ZFYVE28: variants seen among roughly 807,000 people sequenced by gnomAD.
The protein encoded by ZFYVE28 is zinc finger FYVE-type containing 28.
Under a neutral mutation model 82.1 loss-of-function variants are expected in ZFYVE28, and 40 were observed. The ratio of observed to expected loss-of-function variants is 0.49; its 90% CI spans 0.38 to 0.63. The LOEUF (loss-of-function observed/expected upper bound fraction) is 0.63. Among genes scored for constraint, ZFYVE28 ranks in the 30% least tolerant of loss-of-function variants. The pLI is 0.00. For missense variants in ZFYVE28, 1,321 were observed against 1,242.1 expected (o/e 1.06, Z -0.96); for synonymous variants, 612 against 546.1 (o/e 1.12, Z -1.68).
intron 1 of ZFYVE28, chr4:2,364,697 C>T (rs1207985605): frequency 2.0e-6 from 2 of 985,370 alleles, no homozygotes; most frequent in African/African-American, 1.7e-5. Context: ...TAGCACCTCG[C>T]GTCTCGCCGT....
chr4:2,339,253 C>A lies in ZFYVE28; in HGVS notation c.521+200G>T, dbSNP rs368042905. Among the ~76,000 whole-genome samples, 4 of 152,330 alleles carry A rather than the reference C, an allele frequency of 2.6e-5. No individual in the cohort carries two copies. The South Asian group carries it at 8.3e-4, about 32-fold the overall frequency. On this transcript the variant is annotated intron_variant, in intron 4 of 12. Transcript: ENST00000290974. The surrounding 1 kb of genome is among the most constrained non-coding windows in gnomAD (Gnocchi z 5.0). ...CCACACCTGTGTCCTCTGTGCTCAC[C>A]CCACTCCCTGGAAAGATGCCCCACC...
intron 7 of ZFYVE28, among the ~76,000 whole-genome samples, chr4:2,313,538 A>G (rs3118621): frequency 0.56 from 85,672 of 151,922 alleles, 24,259 homozygotes; most frequent in Middle Eastern, 0.7. Flanking sequence ...GACTACAGGT[A>G]TGAACCACTG....
intron 4 of ZFYVE28, among the ~76,000 whole-genome samples, chr4:2,338,494 G>A (rs368521158): frequency 8.5e-5 from 13 of 152,208 alleles, no homozygotes; most frequent in Admixed American, 7.2e-4. Context: ...TTGGGAGGCC[G>A]AGGCAGGAGA....
Position 2,313,267 on chromosome 4 carries a change from A to T in ZFYVE28, c.803+6903T>A, listed in dbSNP as rs140766610. On this transcript the variant is annotated intron_variant, in intron 7 of 12. Transcript: ENST00000290974. ...CACATGCTTTTTTTTTTAATTAATT[A>T]ATTTATTTATTTAGATAGGGTCTGG... Among the ~76,000 whole-genome samples, 594 of 151,326 alleles carry T rather than the reference A, an allele frequency of 3.9e-3. 5 individuals carry two copies. The highest frequency in any genetic ancestry group is 0.013 in the African/African-American group (549 of 41,204).
chr4:2,370,807 C>T (rs558838169), intron 1 of ZFYVE28, among the ~76,000 whole-genome samples: 70 of 152,348 alleles, frequency 4.6e-4, no homozygotes, highest in African/African-American at 1.6e-3. Context: ...GCCACCCCTC[C>T]TGCCCACACT....
intron 8 of ZFYVE28, among the ~76,000 whole-genome samples, chr4:2,295,345 T>G (rs1370142150): frequency 6.6e-6 from 1 of 151,916 alleles, no homozygotes; most frequent in Non-Finnish European, 1.5e-5. Context: ...TATTTTTTTT[T>G]TTTTTAGTAA....
chr4:2,295,357 G>C (rs1312654460), intron 8 of ZFYVE28, among the ~76,000 whole-genome samples: 5 of 150,316 alleles, frequency 3.3e-5, no homozygotes, highest in African/African-American at 9.8e-5. Context: ...TTTTAGTAAA[G>C]ACGGGGTTTT....
intron 2 of ZFYVE28, among the ~76,000 whole-genome samples, chr4:2,351,286 G>T (rs1724402885): frequency 6.6e-6 from 1 of 152,198 alleles, no homozygotes; most frequent in African/African-American, 2.4e-5. Context: ...ATGGAGTGTT[G>T]AGTGACTGTG....
At position 2,417,686 on chromosome 4, in the gene ZFYVE28, T is replaced by C. The variant is rs1038899942; in HGVS notation, c.39+599A>G. Among the ~76,000 whole-genome samples, 1 of 150,916 alleles carries C rather than the reference T, an allele frequency of 6.6e-6. No homozygotes were observed. Among genetic ancestry groups the C allele is most frequent in the Non-Finnish European group, 1.5e-5 (1 of 67,862 alleles). ...GTCCTGGTTCGGGAAGGGAGGCCGTTGGCAGGGCCATCAGGATCCTCTCTG... is the reference window on the plus strand; with the variant it reads ...GTCCTGGTTCGGGAAGGGAGGCCGTCGGCAGGGCCATCAGGATCCTCTCTG... On this transcript the variant is annotated intron_variant, in intron 1 of 12. Coordinates refer to ENST00000290974, the MANE Select transcript of ZFYVE28 (RefSeq NM_020972.3). This position sits in a 1 kb window ranked among gnomAD's most constrained non-coding sequence, Gnocchi z 4.8.
At chr4:2,315,430 C>T (rs866923327) in intron 7 of ZFYVE28, among the ~76,000 whole-genome samples, 13 of 152,106 alleles carry the variant, frequency 8.5e-5, no homozygotes, top group African/African-American at 2.7e-4. Flanking sequence ...CCCGCCACCA[C>T]GCCTGGCTGA....
intron 6 of ZFYVE28, among the ~76,000 whole-genome samples, chr4:2,327,723 T>C (rs1457001535): frequency 6.6e-6 from 1 of 152,222 alleles, no homozygotes; most frequent in Non-Finnish European, 1.5e-5. Flanking sequence ...TCTATTAATG[T>C]GATGTATCAC....
chr4:2,330,981 C>CA (rs1720595504), intron 6 of ZFYVE28: 3 of 1,534,518 alleles, frequency 2.0e-6, no homozygotes, highest in Non-Finnish European at 2.6e-6. Context: ...GAGGATCCGG[C>CA]AACCATCCTG....
At chr4:2,367,413 G>A (rs1197083047) in intron 1 of ZFYVE28, among the ~76,000 whole-genome samples, 1 of 152,260 alleles carries the variant, frequency 6.6e-6, no homozygotes, top group Non-Finnish European at 1.5e-5. Context: ...GCCTGGCTGA[G>A]GGCAGCTCAA....
intron 7 of ZFYVE28, among the ~76,000 whole-genome samples, chr4:2,308,732 AAAG>A (rs1717074792): frequency 2.0e-5 from 3 of 151,758 alleles, no homozygotes; most frequent in Non-Finnish European, 2.9e-5. Flanking sequence ...AGAAAAAAGA[AAAG>A]AAAGGAAGGA....
intron 6 of ZFYVE28, among the ~76,000 whole-genome samples, chr4:2,323,013 T>C (rs1225550912): frequency 1.3e-5 from 2 of 152,232 alleles, no homozygotes; most frequent in Non-Finnish European, 2.9e-5. Context: ...AACATTCGTG[T>C]AGAAGTTTGT....
At chr4:2,351,731 C>T (rs913702162) in intron 2 of ZFYVE28, among the ~76,000 whole-genome samples, 1 of 152,132 alleles carries the variant, frequency 6.6e-6, no homozygotes, top group South Asian at 2.1e-4. Context: ...CTCAGTCCCA[C>T]AAGACGGCGC....
intron 8 of ZFYVE28, among the ~76,000 whole-genome samples, chr4:2,301,143 C>G (rs979032162): frequency 6.6e-6 from 1 of 152,158 alleles, no homozygotes; most frequent in Admixed American, 6.5e-5. Flanking sequence ...CTATCACCCC[C>G]GTATTGGTGT....
intron 8 of ZFYVE28, among the ~76,000 whole-genome samples, chr4:2,276,001 C>T (rs527389900): frequency 6.6e-6 from 1 of 152,350 alleles, no homozygotes; most frequent in East Asian, 1.9e-4. Flanking sequence ...ACGAATCCCA[C>T]GTGGCGTGAG....
intron 8 of ZFYVE28, among the ~76,000 whole-genome samples, chr4:2,277,509 TA>T (rs893440674): frequency 3.3e-5 from 5 of 151,404 alleles, no homozygotes; most frequent in African/African-American, 7.3e-5. Context: ...AAATAAAAAT[TA>T]AAAAAAAGAT....
Sources: gnomAD v4.1 joint callset for allele counts (sites outside exome capture counted in the v4.1 genomes callset) on GRCh38, gnomAD v4.1.1 for gene constraint, Gnocchi (gnomAD v3.1) non-coding constraint, MANE v1.5 for transcripts, NCBI Gene and HGNC (gene_info 2026-07-23, HGNC 2026-07-21) for gene names.